Variants in EVC observed in about 807,000 individuals in gnomAD.
The protein encoded by EVC is evC complex member EVC.
A neutral mutation model predicts 118.9 loss-of-function variants in EVC; 116 were observed. That is an observed-to-expected ratio of 0.98 (90% CI 0.84 to 1.14). EVC has a LOEUF of 1.14. EVC is among the 50% of genes most tolerant of loss of function. The probability of loss-of-function intolerance (pLI) is 0.00; values close to 1 mark genes in which losing one functional copy is unlikely to be tolerated. For missense variants in EVC, 1,401 were observed against 1,246.4 expected (o/e 1.12, Z -1.87); for synonymous variants, 619 against 534.7 (o/e 1.16, Z -2.18).
In EVC at chr4:5,746,063, A is replaced by G. The variant is rs1025993761; in HGVS notation, c.939+722A>G. Among the ~76,000 whole-genome samples, 1 of 152,188 alleles carries G rather than the reference A, an allele frequency of 6.6e-6. No individual in the cohort carries two copies. The highest frequency in any genetic ancestry group is 1.5e-5 in the Non-Finnish European group (1 of 68,024). ...GCCGGGAGAAGTGTGGGTGCTGGCC[A>G]GTGGTGGGGCAGAGATGGGAGCTAA... On this transcript the variant is annotated intron_variant, in intron 7 of 20. Transcript: ENST00000264956. The surrounding 1 kb of genome is among the most constrained non-coding windows in gnomAD (Gnocchi z 5.8).
chr4:5,737,941 C>T lies in EVC; in HGVS notation c.703-3775C>T, dbSNP rs955651294. On this transcript the variant is annotated intron_variant, in intron 5 of 20. Transcript: ENST00000264956. This position sits in a 1 kb window ranked among gnomAD's most constrained non-coding sequence, Gnocchi z 5.0. ...GCTCTAACTGCCATACATAGTGATT[C>T]CTCTGAAGGATTTGAACAATGTAAA... is the stretch of plus-strand genomic sequence containing the variant. Among the ~76,000 whole-genome samples the T allele has an allele frequency of 1.3e-5, 2 of 152,090 alleles. No homozygotes were observed. The highest frequency in any genetic ancestry group is 2.9e-5 in the Non-Finnish European group (2 of 68,018).
chr4:5,748,686 ACCCATCCATCCACCCG>A (rs1729829391), intron 8 of EVC, among the ~76,000 whole-genome samples: 2 of 91,426 alleles, frequency 2.2e-5, no homozygotes, highest in Non-Finnish European at 4.1e-5. Flanking sequence ...CCATCCACCC[ACCCATCCATCCACCCG>A]TCCACCCATC....
At chr4:5,799,986 C>CAG (rs1248444921) in intron 15 of EVC, among the ~76,000 whole-genome samples, 11 of 152,320 alleles carry the variant, frequency 7.2e-5, no homozygotes, top group Middle Eastern at 3.4e-3. Flanking sequence ...CTCAGCTTTC[C>CAG]AGAGGGATTT....
intron 2 of EVC, among the ~76,000 whole-genome samples, chr4:5,726,234 C>T (rs1406855669): frequency 6.6e-6 from 1 of 152,218 alleles, no homozygotes; most frequent in Non-Finnish European, 1.5e-5. Flanking sequence ...GACACAGATG[C>T]AGTTTTCTTC....
At position 5,748,283 on chromosome 4, in the gene EVC, G is replaced by T. The variant is rs150923920; in HGVS notation, c.1075G>T (p.Asp359Tyr). 30 of 1,614,128 alleles carry T rather than the reference G, an allele frequency of 1.9e-5. No homozygotes were observed. The highest frequency in any genetic ancestry group is 2.5e-5 in the Non-Finnish European group (30 of 1,180,012). Residue 359 changes from aspartate to tyrosine, a missense_variant, in exon 8 of 21, where the codon GAT (aspartate) becomes TAT (tyrosine). By Grantham distance (160) the Asp-to-Tyr change is radical. Transcript: ENST00000264956. ...RMIAAEGLLC[D>Y]SQELQALDAL... Reference sequence around the variant, plus strand: ...GATTGCAGCCGAAGGGCTATTGTGCGATTCTCAGGAGCTGCAGGCTCTGGT... The same window carrying T: ...GATTGCAGCCGAAGGGCTATTGTGCTATTCTCAGGAGCTGCAGGCTCTGGT...
intron 11 of EVC, among the ~76,000 whole-genome samples, chr4:5,772,053 C>T (rs762593900): frequency 1.3e-5 from 2 of 151,978 alleles, no homozygotes; most frequent in African/African-American, 4.8e-5. Context: ...ACCGCCACCA[C>T]GCCCAGCTAA....
At chr4:5,827,707 G>A in the EVC span, among the ~76,000 whole-genome samples, 297 of 149,540 alleles carry the variant, frequency 2.0e-3, 2 homozygotes, top group African/African-American at 6.5e-3. Context: ...CACATGACAC[G>A]CATAGACATA....
At chr4:5,711,706 C>T (rs902498788) in intron 1 of EVC, 152 bp downstream of exon 1, 11 of 686,782 alleles carry the variant, frequency 1.6e-5, no homozygotes, top group Non-Finnish European at 1.9e-5. Context: ...CCTTCTGCTC[C>T]AGGAGGGAGG....
At chr4:5,825,056 T>A in the EVC span, 1 of 985,338 alleles carries the variant, frequency 1.0e-6, no homozygotes, top group South Asian at 4.7e-5. The surrounding 1 kb of genome is among the most constrained non-coding windows in gnomAD (Gnocchi z 4.4). Context: ...TAAAATAAAA[T>A]CATGGGTTAT....
At chr4:5,821,976 A>G in the EVC span, 3 of 834,042 alleles carry the variant, frequency 3.6e-6, no homozygotes, top group African/African-American at 3.4e-5. This position sits in a 1 kb window ranked among gnomAD's most constrained non-coding sequence, Gnocchi z 4.4. Context: ...TCAGTCCAGG[A>G]CCAGCCATGG....
At chr4:5,784,458 G>T (rs1055364800) in intron 12 of EVC, among the ~76,000 whole-genome samples, 1 of 152,118 alleles carries the variant, frequency 6.6e-6, no homozygotes. Context: ...AAAGAGCACA[G>T]CCCTGCTGAC....
chr4:5,751,330 C>G (rs993500362), intron 8 of EVC, among the ~76,000 whole-genome samples: 2 of 152,182 alleles, frequency 1.3e-5, no homozygotes, highest in African/African-American at 4.8e-5. Context: ...TCACGCCACT[C>G]TCTCCACTTC....
chr4:5,722,155 G>T (rs1195282976), intron 2 of EVC, among the ~76,000 whole-genome samples: 2 of 152,176 alleles, frequency 1.3e-5, no homozygotes, highest in Non-Finnish European at 2.9e-5. Flanking sequence ...TTAAATGACA[G>T]CAGTGATGGT....
intron 6 of EVC, among the ~76,000 whole-genome samples, chr4:5,744,154 G>A (rs56224364): frequency 0.1 from 15,765 of 152,206 alleles, 1,161 homozygotes; most frequent in African/African-American, 0.21. Context: ...AGGACAAGGA[G>A]TGCCCAGAAT....
chr4:5,819,026 C>T (rs1718091386), downstream of EVC, among the ~76,000 whole-genome samples: 1 of 152,116 alleles, frequency 6.6e-6, no homozygotes, highest in African/African-American at 2.4e-5. Flanking sequence ...CAACAAAGGC[C>T]CCACTGCATC....
intron 11 of EVC, chr4:5,758,138 G>A (rs1731464363): frequency 4.3e-6 from 3 of 702,090 alleles, no homozygotes; most frequent in Non-Finnish European, 7.8e-6. Context: ...ACAGAAGGAG[G>A]GACTGGAGTG....
chr4:5,716,824 A>T (rs771485244), intron 1 of EVC, among the ~76,000 whole-genome samples: 18 of 152,158 alleles, frequency 1.2e-4, no homozygotes, highest in Non-Finnish European at 2.5e-4. Flanking sequence ...GCTTCATCTC[A>T]TAATTTCCAT....
chr4:5,781,492 G>C (rs541600298), intron 11 of EVC, among the ~76,000 whole-genome samples: 1 of 152,244 alleles, frequency 6.6e-6, no homozygotes, highest in South Asian at 2.1e-4. Flanking sequence ...AGGGCGAGGA[G>C]TCCATTCTGG....
chr4:5,714,519 C>T (rs566438632), intron 1 of EVC, among the ~76,000 whole-genome samples: 4 of 133,694 alleles, frequency 3.0e-5, no homozygotes, highest in African/African-American at 8.4e-5. Context: ...TTTTTGGCTG[C>T]GTGCAATAGC....
Sources: allele counts gnomAD v4.1 joint callset (sites outside exome capture counted in the v4.1 genomes callset), GRCh38; gene constraint gnomAD v4.1.1; non-coding constraint Gnocchi (gnomAD v3.1); transcripts MANE v1.5; gene names NCBI Gene and HGNC (gene_info 2026-07-23, HGNC 2026-07-21).